Variants in RBM33 observed in about 807,000 individuals in gnomAD.
RBM33 encodes RNA binding motif protein 33, also known as RNA-binding protein 33.
A neutral mutation model predicts 132.6 loss-of-function variants in RBM33; 28 were observed. The ratio of observed to expected loss-of-function variants is 0.21; its 90% CI spans 0.16 to 0.29. The LOEUF (loss-of-function observed/expected upper bound fraction) is 0.29, where lower values mean the gene tolerates loss of function less well. RBM33 is among the 10% of genes least tolerant of loss of function. RBM33 has a pLI of 1.00. For synonymous variants in RBM33, 634 were observed against 593.0 expected (o/e 1.07, Z -1.01); for missense variants, 1,291 against 1,518.5 (o/e 0.85, Z 2.49).
intron 15 of RBM33, among the ~76,000 whole-genome samples, chr7:155,765,976 C>T (rs1802202570): frequency 6.6e-6 from 1 of 152,180 alleles, no homozygotes; most frequent in Non-Finnish European, 1.5e-5. Context: ...AATGTAGTCT[C>T]TGCCAGCGGA....
At chr7:155,704,199 G>T (rs1800047344) in intron 6 of RBM33, among the ~76,000 whole-genome samples, 1 of 152,120 alleles carries the variant, frequency 6.6e-6, no homozygotes, top group Non-Finnish European at 1.5e-5. Flanking sequence ...TTGTTGATTG[G>T]TATTTTGAAT....
At chr7:155,660,234 C>T (rs991587872) in intron 1 of RBM33, among the ~76,000 whole-genome samples, 6 of 152,090 alleles carry the variant, frequency 3.9e-5, no homozygotes, top group African/African-American at 1.2e-4. Flanking sequence ...CCACCACACC[C>T]AGCTAAGTTT....
chr7:155,773,712 C>T (rs774355728), intron 16 of RBM33, among the ~76,000 whole-genome samples: 1 of 151,954 alleles, frequency 6.6e-6, no homozygotes, highest in Non-Finnish European at 1.5e-5. Context: ...TCACAGAGCG[C>T]CACTGAACAG....
In RBM33 at chr7:155,673,598, A is replaced by G. The variant is rs144943557; in HGVS notation, c.171+683A>G. Among the ~76,000 whole-genome samples the G allele has an allele frequency of 1.6e-3, 138 of 86,322 alleles. 41 individuals are homozygous for G. The highest frequency in any genetic ancestry group is 7.2e-3 in the African/African-American group (128 of 17,878). 56.6% of individuals were successfully genotyped at this position (86,322 alleles called of 152,430 possible). A position where few individuals can be genotyped will look rare whatever the true frequency, so the allele number is the denominator to read the frequency against. ...TACACACGTGTATATATATATACACACATATACATACACACGTGTATATAT... is the reference window on the plus strand; with the variant it reads ...TACACACGTGTATATATATATACACGCATATACATACACACGTGTATATAT... On this transcript the variant is annotated intron_variant, in intron 3 of 17. Transcript: ENST00000401878.
At chr7:155,729,417 A>G (rs1322570007) in intron 9 of RBM33, among the ~76,000 whole-genome samples, 4 of 152,126 alleles carry the variant, frequency 2.6e-5, no homozygotes, top group Admixed American at 2.0e-4. Flanking sequence ...CTCTAATGAT[A>G]TTATATAGTT....
At chr7:155,700,706 T>C (rs756677926) in intron 5 of RBM33, 67 bp from the exon 6 acceptor site, 2 of 1,150,196 alleles carry the variant, frequency 1.7e-6, no homozygotes, top group Admixed American at 2.8e-5. Context: ...TTTAGCATTC[T>C]TTAATATTTA....
intron 11 of RBM33, chr7:155,739,002 A>G (rs552059510): frequency 7.8e-5 from 12 of 152,920 alleles, no homozygotes; most frequent in African/African-American, 2.4e-4. Flanking sequence ...TACTATTAAA[A>G]TACATAGCGA....
intron 1 of RBM33, among the ~76,000 whole-genome samples, chr7:155,663,958 G>A (rs1331080389): frequency 6.6e-6 from 1 of 152,132 alleles, no homozygotes; most frequent in African/African-American, 2.4e-5. Context: ...TTTAAAATAC[G>A]TTGTCAAATT....
intron 1 of RBM33, among the ~76,000 whole-genome samples, chr7:155,663,579 T>C (rs1235543278): frequency 6.6e-6 from 1 of 152,046 alleles, no homozygotes; most frequent in East Asian, 1.9e-4. Flanking sequence ...CCCCAACGCC[T>C]CCCACCAGGC....
intron 16 of RBM33, among the ~76,000 whole-genome samples, chr7:155,771,710 ATTTTC>A (rs1466333477): frequency 6.6e-6 from 1 of 152,020 alleles, no homozygotes. Context: ...ACTGCATGAT[ATTTTC>A]TTTTTTCTTA....
At chr7:155,766,730 C>A in intron 16 of RBM33, 75 bp downstream of exon 16, 1 of 1,422,910 alleles carries the variant, frequency 7.0e-7, no homozygotes, top group Non-Finnish European at 9.7e-7. Context: ...ATTTAAAACA[C>A]AGTGCCCTTT....
At chr7:155,665,367 T>G in intron 2 of RBM33, 114 bp downstream of exon 2, 2 of 870,330 alleles carry the variant, frequency 2.3e-6, no homozygotes, top group Non-Finnish European at 3.8e-6. Context: ...GCGCTCTCTC[T>G]TGAGTGGGGC....
chr7:155,710,399 C>T (rs909958617), intron 7 of RBM33, among the ~76,000 whole-genome samples: 5 of 152,080 alleles, frequency 3.3e-5, no homozygotes, highest in Admixed American at 6.5e-5. Context: ...CTCTACTGAC[C>T]GTATAGTAGG....
chr7:155,654,042 T>A (rs1181584072), intron 1 of RBM33, among the ~76,000 whole-genome samples: 1 of 152,188 alleles, frequency 6.6e-6, no homozygotes, highest in Non-Finnish European at 1.5e-5. Context: ...GTCAAACTTT[T>A]AAAAAATATT....
intron 3 of RBM33, 73 bp downstream of exon 3, chr7:155,672,988 T>C (rs1798986568): frequency 1.0e-6 from 1 of 991,980 alleles, no homozygotes; most frequent in Non-Finnish European, 1.4e-6. Flanking sequence ...AGTAATCACT[T>C]ATACATGGGT....
intron 5 of RBM33, among the ~76,000 whole-genome samples, chr7:155,694,777 T>G (rs998418932): frequency 6.6e-6 from 1 of 152,222 alleles, no homozygotes; most frequent in African/African-American, 2.4e-5. Flanking sequence ...ATTTTATGGA[T>G]GTACCCCATT....
At position 155,665,209 on chromosome 7, in the gene RBM33, G is replaced by A. The variant is rs371370237; in HGVS notation, c.78G>A (p.Ala26=). ...DDFDQFDKPG[A]ERSWRRRAAD... ...TTGACCAGTTTGATAAGCCTGGCGC[G>A]GAACGGTCGTGGAGAAGAAGAGCTG... Residue 26 remains alanine (A), a synonymous_variant, in exon 2 of 18, where the codon GCG becomes GCA. Transcript: ENST00000401878. The A allele has an allele frequency of 3.1e-5, 50 of 1,613,772 alleles. No individual in the cohort carries two copies. Among genetic ancestry groups the A allele is most frequent in the South Asian group, 7.7e-5 (7 of 91,090 alleles).
intron 5 of RBM33, among the ~76,000 whole-genome samples, chr7:155,686,142 C>G (rs945603520): frequency 6.6e-6 from 1 of 152,204 alleles, no homozygotes; most frequent in Non-Finnish European, 1.5e-5. Flanking sequence ...ACAAAGAACT[C>G]TTACCCAGAT....
At chr7:155,761,191 C>T (rs1802025628) in intron 14 of RBM33, among the ~76,000 whole-genome samples, 1 of 152,146 alleles carries the variant, frequency 6.6e-6, no homozygotes, top group South Asian at 2.1e-4. Flanking sequence ...ATCCCTTTTC[C>T]GTGTTGCTAG....
Sources: allele counts gnomAD v4.1 joint callset (sites outside exome capture counted in the v4.1 genomes callset), GRCh38; gene constraint gnomAD v4.1.1; transcripts MANE v1.5; gene names NCBI Gene and HGNC (gene_info 2026-07-23, HGNC 2026-07-21).